The following KCTD3 variants were observed in gnomAD, a reference collection of about 807,000 sequenced individuals.
KCTD3 encodes potassium channel tetramerization domain containing 3, also known as BTB/POZ domain-containing protein KCTD3.
A neutral mutation model predicts 85.8 loss-of-function variants in KCTD3; 41 were observed. The observed-to-expected ratio is 0.48, with a 90% CI of 0.37 to 0.62. KCTD3 has a LOEUF of 0.62. KCTD3 is among the 20% of genes least tolerant of loss of function. The pLI, the probability that KCTD3 is intolerant of heterozygous loss-of-function variation, is 0.00. For missense variants in KCTD3, 724 were observed against 989.9 expected, an observed-to-expected ratio of 0.73 and a Z score of 3.60; for synonymous variants, 338 against 345.4, an observed-to-expected ratio of 0.98 and a Z score of 0.24.
In KCTD3 at chr1:215,575,918, T is replaced by A. The variant is rs1371905158; in HGVS notation, c.201T>A (p.Asp67Glu). 1 of 1,554,680 alleles carries A rather than the reference T, an allele frequency of 6.4e-7. No homozygotes were observed. Among genetic ancestry groups the A allele is most frequent in the Admixed American group, 2.0e-5 (1 of 50,908 alleles). The change falls in exon 4 of 18, where the codon GAT (aspartate) becomes GAA (glutamate). Residue 67 changes from aspartate (D) to glutamate (E), a missense_variant. Around this residue, in one of 6 missense-constraint regions of KCTD3, gnomAD observed 97 missense variants for 115.7 expected, o/e 0.84. Coordinates refer to ENST00000259154, the MANE Select transcript of KCTD3 (RefSeq NM_016121.5). ...TTTTACAGATATTTATTGATAGAGA[T>A]CCAGCAGCATTTGCACCCATTTTAA... ...DETGAIFIDR[D>E]PAAFAPILNF...
chr1:215,620,535 A>G lies in KCTD3; in HGVS notation c.2365A>G (p.Thr789Ala), dbSNP rs1410416671. Residue 789 changes from threonine to alanine, a missense_variant, in exon 18 of 18, where the codon ACT becomes GCT. Physicochemically the swap from Thr to Ala is moderately conservative, Grantham distance 58. Around this residue, in one of 6 missense-constraint regions of KCTD3, gnomAD observed 222 missense variants for 217.7 expected, o/e 1.02. Transcript: ENST00000259154. ...TSDGGTDSPG[T>A]ASPSPTKTTP... ...CGATGGAGGAACTGACTCACCTGGT[A>G]CTGCGTCCCCATCTCCTACAAAGAC... 2 of 1,613,836 alleles carry G rather than the reference A, an allele frequency of 1.2e-6. No homozygotes were observed. The highest frequency in any genetic ancestry group is 1.3e-5 in the African/African-American group (1 of 75,038).
intron 3 of KCTD3, 42 bp from the exon 4 acceptor site, chr1:215,575,859 T>G: frequency 1.8e-6 from 2 of 1,112,390 alleles, no homozygotes; most frequent in Non-Finnish European, 2.6e-6. Context: ...AGTTAAAAGA[T>G]TAATTTGTAA....
chr1:215,604,285 A>G lies in KCTD3; in HGVS notation c.1292A>G (p.Glu431Gly). Residue 431 changes from glutamate to glycine, a missense_variant, in exon 13 of 18, where the codon GAG (glutamate) becomes GGG (glycine). Physicochemically the swap from Glu to Gly is moderately conservative, Grantham distance 98. This residue lies in a region of KCTD3 where 146 missense variants were observed against 320.3 expected (regional missense o/e 0.46). Transcript: ENST00000259154. ...RSPVTKIMLSEKHLVSVCADN... is the reference protein window; with the variant it reads ...RSPVTKIMLSGKHLVSVCADN... The stretch of plus-strand genomic sequence containing the variant: ...CCCGTAACAAAAATCATGCTATCAG[A>G]GAAGCATCTTGTATCAGGTAAAATG... 1 of 1,613,696 alleles carries G rather than the reference A, an allele frequency of 6.2e-7. No individual in the cohort carries two copies.
chr1:215,576,040 G>A, intron 4 of KCTD3, 66 bp downstream of exon 4: 1 of 866,532 alleles, frequency 1.2e-6, no homozygotes, highest in Non-Finnish European at 1.8e-6. Flanking sequence ...TATGTTTTAT[G>A]AAATAAAAGG....
chr1:215,569,672 T>C (rs1659291014), intron 1 of KCTD3, among the ~76,000 whole-genome samples: 1 of 150,634 alleles, frequency 6.6e-6, no homozygotes, highest in South Asian at 2.1e-4. Flanking sequence ...CTCGGCTCAC[T>C]GCAAGCTCCG....
intron 8 of KCTD3, among the ~76,000 whole-genome samples, chr1:215,584,781 T>C (rs1214494249): frequency 2.0e-5 from 3 of 152,188 alleles, no homozygotes; most frequent in Non-Finnish European, 4.4e-5. Flanking sequence ...TCCAATTGTG[T>C]CCTGTTACAA....
intron 14 of KCTD3, among the ~76,000 whole-genome samples, chr1:215,610,436 G>A (rs1215102118): frequency 3.3e-5 from 5 of 151,852 alleles, no homozygotes; most frequent in Admixed American, 1.3e-4. Flanking sequence ...CTATAAATGG[G>A]AGGTGGGGGA....
intron 15 of KCTD3, among the ~76,000 whole-genome samples, chr1:215,617,148 T>G (rs1318516695): frequency 2.0e-5 from 3 of 152,220 alleles, no homozygotes; most frequent in Non-Finnish European, 2.9e-5. Context: ...GCATGGAAGC[T>G]CTATGCTCCT....
intron 8 of KCTD3, among the ~76,000 whole-genome samples, 155 bp from the exon 9 acceptor site, chr1:215,586,340 C>T (rs749869382): frequency 4.0e-5 from 6 of 151,738 alleles, no homozygotes; most frequent in Non-Finnish European, 7.4e-5. Flanking sequence ...CAATATAGAT[C>T]AACAAAATTT....
intron 9 of KCTD3, among the ~76,000 whole-genome samples, chr1:215,591,423 T>C (rs1301327433): frequency 6.6e-6 from 1 of 151,932 alleles, no homozygotes; most frequent in Admixed American, 6.6e-5. Context: ...AGTGGCGTGA[T>C]CATGGCTGAC....
At chr1:215,585,436 T>C (rs1187570892) in intron 8 of KCTD3, among the ~76,000 whole-genome samples, 1 of 152,146 alleles carries the variant, frequency 6.6e-6, no homozygotes, top group Non-Finnish European at 1.5e-5. Flanking sequence ...TAAGGGAAAA[T>C]GAAGTTGATG....
chr1:215,592,370 T>A (rs1268474167), intron 9 of KCTD3, among the ~76,000 whole-genome samples: 1 of 152,204 alleles, frequency 6.6e-6, no homozygotes, highest in Non-Finnish European at 1.5e-5. Context: ...GTCCATTTTT[T>A]TTTTTGTTGT....
At chr1:215,617,767 A>G (rs1655511240) in intron 15 of KCTD3, among the ~76,000 whole-genome samples, 1 of 148,246 alleles carries the variant, frequency 6.7e-6, no homozygotes, top group South Asian at 2.1e-4. Flanking sequence ...CTAGTTTTAC[A>G]TTGTCCCACT....
At chr1:215,591,108 C>T (rs916522814) in intron 9 of KCTD3, among the ~76,000 whole-genome samples, 2 of 152,052 alleles carry the variant, frequency 1.3e-5, no homozygotes, top group Non-Finnish European at 2.9e-5. Flanking sequence ...TAACTGAATG[C>T]CAGAGGGGCT....
rs375981038 is a variant in KCTD3, at chr1:215,602,076, A to G, written c.1022-9A>G. 24 of 1,537,682 alleles carry G rather than the reference A, an allele frequency of 1.6e-5. No homozygotes were observed. Among genetic ancestry groups the G allele is most frequent in the Non-Finnish European group, 2.1e-5 (24 of 1,117,970 alleles). On this transcript the variant is annotated splice_polypyrimidine_tract_variant and intron_variant, in intron 11 of 17. Coordinates refer to ENST00000259154, the MANE Select transcript of KCTD3 (RefSeq NM_016121.5). ...TATTTTAATGCTGTTTAAAATTTTT[A>G]TGTTTTAGATATGCAGAAGTTCCCC...
chr1:215,601,302 G>A (rs1311660909), intron 10 of KCTD3, among the ~76,000 whole-genome samples: 1 of 152,152 alleles, frequency 6.6e-6, no homozygotes, highest in African/African-American at 2.4e-5. Flanking sequence ...ATACAAATGA[G>A]ACTTTGTTTC....
chr1:215,569,593 C>CTTT lies in KCTD3; in HGVS notation c.83+1843_83+1845dup, dbSNP rs754210465. On this transcript the variant is annotated intron_variant, in intron 1 of 17. Transcript: ENST00000259154. ...TAAGGCAGTTATCTTGGCACTGTAA[C>CTTT]TTTTTTTTTTTTTTTTTTTTGAGAC... 9.2e-5 allele frequency among the ~76,000 whole-genome samples: 12 copies of CTTT among 130,508 alleles called. 1 individual carries two copies. The highest frequency in any genetic ancestry group is 2.6e-4 in the African/African-American group (9 of 35,032). The allele number at this position is 130,508 out of a possible 152,430, so 85.6% of individuals were successfully genotyped here. A position where few individuals can be genotyped will look rare whatever the true frequency, so the allele number is the denominator to read the frequency against.
At chr1:215,601,179 T>TCAA (rs1326820393) in intron 10 of KCTD3, among the ~76,000 whole-genome samples, 6 of 142,560 alleles carry the variant, frequency 4.2e-5, no homozygotes, top group African/African-American at 1.8e-4. Context: ...TCTGGTGATC[T>TCAA]GCCTGCCTCG....
chr1:215,585,224 T>G (rs1418586594), intron 8 of KCTD3, among the ~76,000 whole-genome samples: 1 of 152,208 alleles, frequency 6.6e-6, no homozygotes, highest in African/African-American at 2.4e-5. Flanking sequence ...GGTAAGTATT[T>G]AAGTATTTTC....
Sources: allele counts gnomAD v4.1 joint callset (sites outside exome capture counted in the v4.1 genomes callset), GRCh38; gene constraint gnomAD v4.1.1; regional missense constraint gnomAD v4.1.1; transcripts MANE v1.5; gene names NCBI Gene and HGNC (gene_info 2026-07-23, HGNC 2026-07-21).